The following NLRP5 variants were observed in gnomAD, a reference collection of about 807,000 sequenced individuals.
NLRP5 encodes the protein NLR family pyrin domain containing 5.
In NLRP5, 93 loss-of-function variants were observed where a neutral mutation model predicts 113.1. That is an observed-to-expected ratio of 0.82 (90% confidence interval 0.70 to 0.98). The LOEUF is 0.98. NLRP5 is among the 50% of genes least tolerant of loss of function. NLRP5 has a pLI of 0.00. For missense variants in NLRP5, 1,808 were observed against 1,514.3 expected, an observed-to-expected ratio of 1.19 and a Z score of -3.22; for synonymous variants, 751 against 600.7, an observed-to-expected ratio of 1.25 and a Z score of -3.66.
At chr19:56,059,976 C>A (rs1267307512) in intron 14 of NLRP5, among the ~76,000 whole-genome samples, 1 of 152,048 alleles carries the variant, frequency 6.6e-6, no homozygotes, top group East Asian at 1.9e-4. Context: ...CTGTGGTAGA[C>A]CCTGGAATCA....
upstream of NLRP5, among the ~76,000 whole-genome samples, chr19:55,998,729 T>TAC (rs1416438411): frequency 0.054 from 7,148 of 132,674 alleles, 443 homozygotes; most frequent in African/African-American, 0.093. Flanking sequence ...TATATATATA[T>TAC]GTGTATATAT....
intron 1 of NLRP5, among the ~76,000 whole-genome samples, 195 bp from the exon 2 acceptor site, chr19:56,003,541 T>A (rs905165627): frequency 6.6e-6 from 1 of 152,200 alleles, no homozygotes; most frequent in African/African-American, 2.4e-5. Flanking sequence ...GTTTGGGAAC[T>A]AAGGGTACAG....
Position 56,016,362 on chromosome 19 carries a change from AGGCTGGTCT to A in NLRP5, c.565+567_565+575del, listed in dbSNP as rs375617790. 4.1e-3 allele frequency among the ~76,000 whole-genome samples: 628 copies of A among 152,230 alleles called. 4 individuals carry two copies. Among genetic ancestry groups the A allele is most frequent in the African/African-American group, 0.014 (597 of 41,540 alleles). On this transcript the variant is annotated intron_variant, in intron 4 of 14. Transcript: ENST00000390649. ...GAGACAGGGTTTCTGCATGTTGGTC[AGGCTGGTCT>A]GGAACTCCCGACCTCAGGTGATCCA...
intron 12 of NLRP5, 31 bp from the exon 13 acceptor site, chr19:56,053,607 G>A: frequency 6.3e-7 from 1 of 1,592,518 alleles, no homozygotes. Flanking sequence ...CTCGAGAGAG[G>A]CAGACTCTCT....
Position 56,032,715 on chromosome 19 carries a change from C to G in NLRP5, c.2381C>G (p.Thr794Arg), listed in dbSNP as rs200340956. ...CTGGACCTGGGCAGCAGCATCCTGA[C>G]AGAGCGGGCCATGAAGACCCTGTGT... The change falls in exon 8 of 15, where the codon ACA (threonine) becomes AGA (arginine). Residue 794 changes from threonine (T) to arginine (R), a missense_variant. By Grantham distance (71) the Thr-to-Arg change is moderately conservative. Transcript: ENST00000390649. 6.2e-7 allele frequency: 1 copy of G among 1,613,474 alleles called. No individual in the cohort carries two copies. The highest frequency in any genetic ancestry group is 2.2e-5 in the East Asian group (1 of 44,866).
intron 3 of NLRP5, among the ~76,000 whole-genome samples, chr19:56,013,601 T>TTTTTG (rs1348214246): frequency 7.5e-6 from 1 of 132,454 alleles, no homozygotes; most frequent in East Asian, 2.4e-4. Context: ...TTTGGGTTTT[T>TTTTTG]TTTTTTTTTT....
At chr19:56,017,080 T>G (rs1474861843) in intron 4 of NLRP5, among the ~76,000 whole-genome samples, 2 of 152,226 alleles carry the variant, frequency 1.3e-5, no homozygotes, top group Non-Finnish European at 2.9e-5. Context: ...GTGCTGGGAT[T>G]ACAGACGTGA....
At chr19:55,987,582 T>A in the NLRP5 span, among the ~76,000 whole-genome samples, 1 of 152,144 alleles carries the variant, frequency 6.6e-6, no homozygotes, top group East Asian at 1.9e-4. Flanking sequence ...CCCAGATAAG[T>A]TAAATGGCTT....
In NLRP5 at chr19:56,027,712, C is replaced by A. The variant is rs777951050; in HGVS notation, c.1479C>A (p.Pro493=). Reference sequence around the variant, plus strand: ...ACGTGGTGGGGGAGAGCGTCGCCCCCTTCAACCAAACGCTCACAGGCCTGC... The same window carrying A: ...ACGTGGTGGGGGAGAGCGTCGCCCCATTCAACCAAACGCTCACAGGCCTGC... The change falls in exon 7 of 15, where the codon CCC becomes CCA. Residue 493 remains proline, a synonymous_variant. Transcript: ENST00000390649. 9 of 1,613,696 alleles carry A rather than the reference C, an allele frequency of 5.6e-6. No individual in the cohort carries two copies. In the South Asian group the frequency reaches 9.9e-5, roughly 18 times the overall value.
At chr19:56,033,261 CA>C (rs545337812) in intron 8 of NLRP5, among the ~76,000 whole-genome samples, 1,912 of 150,554 alleles carry the variant, frequency 0.013, 30 homozygotes, top group African/African-American at 0.044. Context: ...AAACAAAAAA[CA>C]AAAAAAAACC....
the NLRP5 span, among the ~76,000 whole-genome samples, chr19:55,992,108 G>A: frequency 1.3e-5 from 2 of 152,226 alleles, no homozygotes; most frequent in East Asian, 3.9e-4. Context: ...TTATAAGTGA[G>A]AACATGTGGT....
chr19:56,005,647 C>CGCGT (rs1555763948), intron 2 of NLRP5, among the ~76,000 whole-genome samples: 9 of 150,544 alleles, frequency 6.0e-5, no homozygotes, highest in African/African-American at 2.2e-4. Flanking sequence ...CACACACGCG[C>CGCGT]GCAGGTGGCA....
At chr19:56,053,181 A>AG (rs1568503143) in intron 12 of NLRP5, among the ~76,000 whole-genome samples, 1 of 152,114 alleles carries the variant, frequency 6.6e-6, no homozygotes, top group African/African-American at 2.4e-5. Flanking sequence ...GGATCACCTG[A>AG]GGTCAGGAGT....
chr19:56,008,098 T>G, intron 2 of NLRP5, among the ~76,000 whole-genome samples: 1 of 143,860 alleles, frequency 7.0e-6, no homozygotes, highest in Non-Finnish European at 1.5e-5. Flanking sequence ...CCGGCTAATT[T>G]TTTGTATTTT....
At position 56,028,286 on chromosome 19, in the gene NLRP5, C is replaced by T; in HGVS notation, c.2053C>T (p.Leu685=). 1 of 1,613,976 alleles carries T rather than the reference C, an allele frequency of 6.2e-7. No homozygotes were observed. The highest frequency in any genetic ancestry group is 8.5e-7 in the Non-Finnish European group (1 of 1,179,892). ...TAATGCCACCACCCCAGGAGACACC[C>T]TGGACGCCTTCCACTGTCTTTTCGA... Residue 685 remains leucine, a synonymous_variant, in exon 7 of 15, where the codon CTG becomes TTG. Transcript: ENST00000390649.
chr19:56,040,444 T>A (rs1473801138), intron 10 of NLRP5, among the ~76,000 whole-genome samples: 1 of 152,148 alleles, frequency 6.6e-6, no homozygotes, highest in Non-Finnish European at 1.5e-5. Flanking sequence ...GGTGCATGCC[T>A]ATGATCCCAG....
intron 14 of NLRP5, among the ~76,000 whole-genome samples, chr19:56,060,371 C>T (rs1984306190): frequency 6.6e-6 from 1 of 152,172 alleles, no homozygotes; most frequent in African/African-American, 2.4e-5. Context: ...GAGAAGTCCT[C>T]ATTTAATGTC....
Position 56,027,267 on chromosome 19 carries a change from C to G in NLRP5, c.1034C>G (p.Ala345Gly). The change falls in exon 7 of 15, where the codon GCT becomes GGT. Residue 345 changes from alanine to glycine, a missense_variant. Coordinates refer to ENST00000390649, the MANE Select transcript of NLRP5 (RefSeq NM_153447.4). ...TCCAGGGAGTGGCCAGACTCCCAGG[C>G]TCCGGTGACGGAGATCATGTCCCGA... 1 of 1,612,248 alleles carries G rather than the reference C, an allele frequency of 6.2e-7. No individual in the cohort carries two copies. Among genetic ancestry groups the G allele is most frequent in the Non-Finnish European group, 8.5e-7 (1 of 1,179,854 alleles).
At chr19:56,059,035 C>A (rs1984260018) in intron 14 of NLRP5, among the ~76,000 whole-genome samples, 1 of 152,106 alleles carries the variant, frequency 6.6e-6, no homozygotes, top group African/African-American at 2.4e-5. Context: ...ATGGTGATTT[C>A]CAAAGGATTG....
Sources: allele counts gnomAD v4.1 joint callset (sites outside exome capture counted in the v4.1 genomes callset), GRCh38; gene constraint gnomAD v4.1.1; transcripts MANE v1.5; gene names NCBI Gene and HGNC (gene_info 2026-07-23, HGNC 2026-07-21).